ZMPSTE24: variants seen among roughly 807,000 people sequenced by gnomAD.
ZMPSTE24 encodes CAAX prenyl protease 1 homolog.
A neutral mutation model predicts 56.7 loss-of-function variants in ZMPSTE24; 48 were observed. That is an observed-to-expected ratio of 0.85 (90% CI 0.67 to 1.08). ZMPSTE24 has a LOEUF of 1.08. Among genes scored for constraint, ZMPSTE24 ranks in the 50% least tolerant of loss-of-function variants. The probability of loss-of-function intolerance (pLI) is 0.00; values close to 1 mark genes in which losing one functional copy is unlikely to be tolerated. For synonymous variants in ZMPSTE24, 172 were observed against 195.2 expected (o/e 0.88, Z 0.99); for missense variants, 503 against 548.7 (o/e 0.92, Z 0.83).
chr1:40,272,143 T>C, intron 6 of ZMPSTE24, 108 bp downstream of exon 6: 1 of 1,307,826 alleles, frequency 7.6e-7, no homozygotes, highest in Non-Finnish European at 1.0e-6. Flanking sequence ...TTTTTTTCTT[T>C]TTAAAATTTG....
Position 40,292,723 on chromosome 1 carries a change from A to G in ZMPSTE24, c.*54A>G. 6.4e-7 allele frequency: 1 copy of G among 1,550,896 alleles called. No individual in the cohort carries two copies. The highest frequency in any genetic ancestry group is 8.9e-7 in the Non-Finnish European group (1 of 1,124,284). ...TTCTGATTATTTCTGTCCTGGCAGCATGTTCCAGCTCTTGATGTTTTTAAA... is the reference window on the plus strand; with the variant it reads ...TTCTGATTATTTCTGTCCTGGCAGCGTGTTCCAGCTCTTGATGTTTTTAAA... On this transcript the variant is annotated 3_prime_UTR_variant, in exon 10 of 10. Transcript: ENST00000372759.
In ZMPSTE24 at chr1:40,265,559, G is replaced by A. The variant is rs541482307; in HGVS notation, c.271-2227G>A. Reference sequence around the variant, plus strand: ...TGTACAAAAAATTAAAATTAGCCAAGTATGGTGGTGCATACAGTCCTGGCT... The same window carrying A: ...TGTACAAAAAATTAAAATTAGCCAAATATGGTGGTGCATACAGTCCTGGCT... On this transcript the variant is annotated intron_variant, in intron 2 of 9. Transcript: ENST00000372759. 5.6e-4 allele frequency among the ~76,000 whole-genome samples: 86 copies of A among 152,246 alleles called. 2 individuals carry two copies. The Middle Eastern group carries it at 0.031, about 55-fold the overall frequency.
Position 40,258,302 on chromosome 1 carries a change from T to C in ZMPSTE24, c.31T>C (p.Trp11Arg). Residue 11 changes from tryptophan to arginine, a missense_variant, in exon 1 of 10, where the codon TGG becomes CGG. By Grantham distance (101) the Trp-to-Arg change is moderately radical. Transcript: ENST00000372759. ...GATGTGGGCATCGCTGGACGCTTTG[T>C]GGGAGATGCCGGCCGAGAAGCGTAT... MGMWASLDAL[W>R]EMPAEKRIFG... The C allele has an allele frequency of 1.9e-6, 3 of 1,614,114 alleles. No homozygotes were observed. Among genetic ancestry groups the C allele is most frequent in the Middle Eastern group, 1.6e-4 (1 of 6,062 alleles).
chr1:40,289,743 T>TA (rs1309254139), intron 8 of ZMPSTE24, among the ~76,000 whole-genome samples: 2 of 152,222 alleles, frequency 1.3e-5, no homozygotes, highest in Admixed American at 1.3e-4. Flanking sequence ...ATTTTTTATT[T>TA]TTTTCTCCTC....
At chr1:40,259,476 G>C (rs1447916293) in intron 1 of ZMPSTE24, 2 of 152,140 alleles carry the variant, frequency 1.3e-5, no homozygotes. Context: ...AGCGCGCAGA[G>C]GGAGGGATGT....
At chr1:40,273,653 A>G (rs983269960) in intron 6 of ZMPSTE24, among the ~76,000 whole-genome samples, 5 of 145,004 alleles carry the variant, frequency 3.4e-5, no homozygotes, top group African/African-American at 1.0e-4. Flanking sequence ...GAGAAATGGT[A>G]GAATAAGCCA....
intron 5 of ZMPSTE24, 26 bp from the exon 6 acceptor site, chr1:40,271,868 A>G (rs764385432): frequency 6.2e-7 from 1 of 1,611,728 alleles, no homozygotes. Context: ...ACATGTTCAT[A>G]TGTTATTCTG....
chr1:40,268,312 A>G, intron 3 of ZMPSTE24, 107 bp from the exon 4 acceptor site: 1 of 803,638 alleles, frequency 1.2e-6, no homozygotes, highest in South Asian at 1.4e-5. Flanking sequence ...TATCCATAGA[A>G]TCAAGCATAT....
At chr1:40,291,523 G>A (rs1643844126) in intron 9 of ZMPSTE24, among the ~76,000 whole-genome samples, 2 of 152,318 alleles carry the variant, frequency 1.3e-5, no homozygotes, top group South Asian at 4.1e-4. Flanking sequence ...GGGGTATTCC[G>A]TGTGAGTGAT....
intron 6 of ZMPSTE24, among the ~76,000 whole-genome samples, chr1:40,280,550 G>A (rs899037220): frequency 4.0e-5 from 6 of 151,836 alleles, no homozygotes; most frequent in Non-Finnish European, 8.8e-5. Flanking sequence ...TCAGCCCCAC[G>A]TGTAGCTGGG....
At chr1:40,269,059 G>A (rs1643585598) in intron 4 of ZMPSTE24, among the ~76,000 whole-genome samples, 1 of 119,796 alleles carries the variant, frequency 8.3e-6, no homozygotes, top group Non-Finnish European at 1.6e-5. Flanking sequence ...CTGGGTGACA[G>A]CAAGACTCCG....
chr1:40,262,773 G>C (rs1457855916), intron 2 of ZMPSTE24: 1 of 1,149,328 alleles, frequency 8.7e-7, no homozygotes, highest in Non-Finnish European at 1.1e-6. Context: ...TTCTGCAGTT[G>C]ATGTCTGACG....
At chr1:40,290,333 C>T (rs1328441219) in intron 8 of ZMPSTE24, among the ~76,000 whole-genome samples, 2 of 150,334 alleles carry the variant, frequency 1.3e-5, no homozygotes, top group Admixed American at 6.6e-5. Context: ...TGCAGTGAGC[C>T]GAGATCGTGC....
At chr1:40,282,572 C>T (rs1643741187) in intron 7 of ZMPSTE24, among the ~76,000 whole-genome samples, 1 of 152,212 alleles carries the variant, frequency 6.6e-6, no homozygotes, top group Non-Finnish European at 1.5e-5. Context: ...GAACTGCTGG[C>T]CTCAAGTTAC....
rs751792214 is a variant in ZMPSTE24 at position 40,268,501 on chromosome 1, T to C, written c.440T>C (p.Phe147Ser). ...TTGCCATGGAGTCTTTATAATACTTTTGTGATAGAAGAAAAACATGGCTTC... is the reference window on the plus strand; with the variant it reads ...TTGCCATGGAGTCTTTATAATACTTCTGTGATAGAAGAAAAACATGGCTTC... The part of the protein sequence containing the change: ...TGLPWSLYNT[F>S]VIEEKHGFNQ... Residue 147 changes from phenylalanine to serine, a missense_variant, in exon 4 of 10, where the codon TTT (phenylalanine) becomes TCT (serine). By Grantham distance (155) the Phe-to-Ser change is radical. Coordinates refer to ENST00000372759, the MANE Select transcript of ZMPSTE24 (RefSeq NM_005857.5). 4 of 1,611,334 alleles carry C rather than the reference T, an allele frequency of 2.5e-6. No individual in the cohort carries two copies. Among genetic ancestry groups the C allele is most frequent in the Admixed American group, 1.7e-5 (1 of 59,794 alleles).
chr1:40,267,684 A>G (rs1275173949), intron 2 of ZMPSTE24, 102 bp from the exon 3 acceptor site: 25 of 974,370 alleles, frequency 2.6e-5, no homozygotes, highest in African/African-American at 6.5e-5. Context: ...TGTTTTTTTA[A>G]TAGAGATGAT....
chr1:40,263,617 T>C (rs1643519774), intron 2 of ZMPSTE24, among the ~76,000 whole-genome samples: 1 of 152,218 alleles, frequency 6.6e-6, no homozygotes, highest in Admixed American at 6.5e-5. Flanking sequence ...TTGGGTAACT[T>C]TGAAACCTTG....
At position 40,285,732 on chromosome 1, in the gene ZMPSTE24, A is replaced by G. The variant is rs528464347; in HGVS notation, c.955-193A>G. Among the ~76,000 whole-genome samples the G allele has an allele frequency of 1.2e-4, 16 of 138,176 alleles. No individual in the cohort carries two copies. In the East Asian group the frequency reaches 1.2e-3, roughly 11 times the overall value. The allele number at this position is 138,176 out of a possible 152,430, so 90.6% of individuals were successfully genotyped here. ...GAATGTCCATCTTGTTCGTCATTCT[A>G]TCTATCTTCAGTGCTTAACCCACTG... On this transcript the variant is annotated intron_variant, in intron 7 of 9. Coordinates refer to ENST00000372759, the MANE Select transcript of ZMPSTE24 (RefSeq NM_005857.5).
intron 2 of ZMPSTE24, among the ~76,000 whole-genome samples, chr1:40,264,270 G>A (rs540674590): frequency 3.3e-5 from 5 of 152,302 alleles, no homozygotes; most frequent in Non-Finnish European, 7.3e-5. Context: ...GGAGGTGGAG[G>A]CTGCAGTGAG....
Sources: gnomAD v4.1 joint callset for allele counts (sites outside exome capture counted in the v4.1 genomes callset) on GRCh38, gnomAD v4.1.1 for gene constraint, MANE v1.5 for transcripts, NCBI Gene and HGNC (gene_info 2026-07-23, HGNC 2026-07-21) for gene names.